Variants in MEGF9 observed in about 807,000 individuals in gnomAD.
MEGF9 encodes multiple EGF like domains 9, also known as multiple epidermal growth factor-like domains protein 9.
Under a neutral mutation model 46.8 loss-of-function variants are expected in MEGF9, and 6 were observed. The ratio of observed to expected loss-of-function variants is 0.13; its 90% confidence interval spans 0.07 to 0.25. The LOEUF is 0.25. Ranked by LOEUF, MEGF9 falls within the 10% of genes least tolerant of loss-of-function variation. The pLI is 1.00. For missense variants in MEGF9, 683 were observed against 792.4 expected, an observed-to-expected ratio of 0.86 and a Z score of 1.66; for synonymous variants, 302 against 330.7, an observed-to-expected ratio of 0.91 and a Z score of 0.94.
rs1298411624 is a variant in MEGF9, at chr9:120,607,705, G to T, written c.1357+36C>A. The T allele has an allele frequency of 1.9e-6, 3 of 1,598,290 alleles. No individual in the cohort carries two copies. The South Asian group carries it at 3.3e-5, about 18-fold the overall frequency. On this transcript the variant is annotated intron_variant, in intron 5 of 5. Transcript: ENST00000373930. ...CTTCCATTTTTCACTGCTAGTTTTA[G>T]ATATTAAATTTACAATCACTTAGGT...
chr9:120,655,666 C>A (rs2043673572), intron 2 of MEGF9, among the ~76,000 whole-genome samples: 1 of 152,090 alleles, frequency 6.6e-6, no homozygotes, highest in South Asian at 2.1e-4. Flanking sequence ...ATGTCAACCC[C>A]AAAAAACTAA....
intron 2 of MEGF9, among the ~76,000 whole-genome samples, chr9:120,637,790 C>CAAAAAAAAAAAAAA (rs34861368): frequency 1.7e-4 from 6 of 34,790 alleles, no homozygotes; most frequent in African/African-American, 6.7e-4. Flanking sequence ...GACTCTGTCT[C>CAAAAAAAAAAAAAA]AAAAAAAAAA....
At chr9:120,662,572 T>G (rs1435082927) in intron 1 of MEGF9, among the ~76,000 whole-genome samples, 1 of 152,248 alleles carries the variant, frequency 6.6e-6, no homozygotes, top group African/African-American at 2.4e-5. Flanking sequence ...GGCAAGTTAA[T>G]TAAGCTCTGC....
At chr9:120,664,403 T>C (rs1419179641) in intron 1 of MEGF9, among the ~76,000 whole-genome samples, 1 of 152,160 alleles carries the variant, frequency 6.6e-6, no homozygotes, top group African/African-American at 2.4e-5. Flanking sequence ...TCTGTAATGC[T>C]CAAGCAGTTT....
chr9:120,617,043 A>T (rs926012987), intron 3 of MEGF9, among the ~76,000 whole-genome samples: 4 of 151,174 alleles, frequency 2.6e-5, no homozygotes, highest in Non-Finnish European at 4.4e-5. Context: ...ATTGTTCATT[A>T]TGCTCTGCCT....
chr9:120,619,298 G>C (rs1292844696), intron 3 of MEGF9, among the ~76,000 whole-genome samples: 1 of 152,180 alleles, frequency 6.6e-6, no homozygotes, highest in South Asian at 2.1e-4. Flanking sequence ...AGTGAGCCGA[G>C]ATCGCGCCAC....
At chr9:120,700,716 T>C (rs2043900368) in intron 1 of MEGF9, among the ~76,000 whole-genome samples, 1 of 152,142 alleles carries the variant, frequency 6.6e-6, no homozygotes, top group South Asian at 2.1e-4. Context: ...CTATTCAAGT[T>C]ATCCAATTTC....
intron 1 of MEGF9, among the ~76,000 whole-genome samples, chr9:120,705,910 A>G (rs536675244): frequency 2.6e-4 from 40 of 152,270 alleles, no homozygotes; most frequent in Admixed American, 7.2e-4. Flanking sequence ...GGATTTTTAT[A>G]TCACACCTAA....
intron 1 of MEGF9, 122 bp downstream of exon 1, chr9:120,713,636 G>A (rs953101057): frequency 1.1e-5 from 13 of 1,219,692 alleles, no homozygotes; most frequent in Non-Finnish European, 1.1e-5. Flanking sequence ...ATCCCCCCTC[G>A]GGAGCCGGAA....
intron 2 of MEGF9, among the ~76,000 whole-genome samples, chr9:120,626,731 C>CA (rs1424698318): frequency 6.6e-6 from 1 of 152,158 alleles, no homozygotes; most frequent in African/African-American, 2.4e-5. Context: ...CCCGAGGAAA[C>CA]AGAGTTTGGT....
chr9:120,710,219 G>A lies in MEGF9; in HGVS notation c.601+3539C>T, dbSNP rs559448184. On this transcript the variant is annotated intron_variant, in intron 1 of 5. Coordinates refer to ENST00000373930, the MANE Select transcript of MEGF9 (RefSeq NM_001080497.3). ...CAAGGTGGACAGATCACCTGAGGTC[G>A]GGAATCCGAGACCAGCCTGACCAAC... is the stretch of plus-strand genomic sequence containing the variant. Among the ~76,000 whole-genome samples, 5 of 150,624 alleles carry A rather than the reference G, an allele frequency of 3.3e-5. No homozygotes were observed. The East Asian group carries it at 9.9e-4, about 30-fold the overall frequency.
intron 1 of MEGF9, among the ~76,000 whole-genome samples, chr9:120,711,840 TACATACAC>T (rs1339362170): frequency 2.1e-4 from 29 of 139,236 alleles, no homozygotes; most frequent in African/African-American, 4.0e-4. Flanking sequence ...TATACATACA[TACATACAC>T]ACACACACAC....
intron 1 of MEGF9, among the ~76,000 whole-genome samples, chr9:120,667,086 A>G (rs1419081637): frequency 1.3e-5 from 2 of 152,200 alleles, no homozygotes; most frequent in South Asian, 4.1e-4. Flanking sequence ...TATGCAAAAA[A>G]ATTTTTTTAA....
chr9:120,692,743 T>C (rs1444394849), intron 1 of MEGF9, among the ~76,000 whole-genome samples: 1 of 152,154 alleles, frequency 6.6e-6, no homozygotes, highest in African/African-American at 2.4e-5. Flanking sequence ...TGTGCTCTCT[T>C]ACTTCTGTAC....
At chr9:120,709,068 G>C (rs2043941229) in intron 1 of MEGF9, among the ~76,000 whole-genome samples, 1 of 152,166 alleles carries the variant, frequency 6.6e-6, no homozygotes. Flanking sequence ...AAGCTGGTTA[G>C]AGCACATCTG....
intron 1 of MEGF9, among the ~76,000 whole-genome samples, chr9:120,668,204 A>C (rs1013918138): frequency 6.6e-6 from 1 of 152,202 alleles, no homozygotes; most frequent in Non-Finnish European, 1.5e-5. Context: ...TTATCAACAC[A>C]AGAGTTTTTG....
chr9:120,703,531 T>A (rs1285067022), intron 1 of MEGF9, among the ~76,000 whole-genome samples: 1 of 152,196 alleles, frequency 6.6e-6, no homozygotes, highest in Admixed American at 6.5e-5. Context: ...TAATCAGGCA[T>A]ATAATATGTG....
intron 3 of MEGF9, among the ~76,000 whole-genome samples, chr9:120,613,042 GC>G (rs1438664522): frequency 6.7e-6 from 1 of 150,374 alleles, no homozygotes; most frequent in African/African-American, 2.5e-5. Context: ...TCACTGTGTT[GC>G]CCAGGCTGAT....
chr9:120,713,954 G>C lies in MEGF9; in HGVS notation c.405C>G (p.Thr135=). ...TTPPAAERTS[T]TSQAPTRPAP... is the part of the protein sequence containing the mutation. Reference sequence around the variant, plus strand: ...CGGGTCTGGTCGGCGCCTGAGAGGTGGTCGAAGTGCGTTCCGCCGCCGGAG... The same window carrying C: ...CGGGTCTGGTCGGCGCCTGAGAGGTCGTCGAAGTGCGTTCCGCCGCCGGAG... Residue 135 remains threonine (T), a synonymous_variant, in exon 1 of 6, where the codon ACC becomes ACG. Transcript: ENST00000373930. 7.2e-7 allele frequency: 1 copy of C among 1,384,346 alleles called. No homozygotes were observed. The highest frequency in any genetic ancestry group is 9.4e-7 in the Non-Finnish European group (1 of 1,065,414). 85.8% of individuals were successfully genotyped at this position (1,384,346 alleles called of 1,614,324 possible).
Sources: gnomAD v4.1 joint callset for allele counts (sites outside exome capture counted in the v4.1 genomes callset) on GRCh38, gnomAD v4.1.1 for gene constraint, MANE v1.5 for transcripts, NCBI Gene and HGNC (gene_info 2026-07-23, HGNC 2026-07-21) for gene names.